The following ATXN10 variants were observed in gnomAD, a reference collection of about 807,000 sequenced individuals.
The protein encoded by ATXN10 is ataxin-10.
In ATXN10, 28 loss-of-function variants were observed where a neutral mutation model predicts 52.9. That is an observed-to-expected ratio of 0.53 (90% CI 0.39 to 0.73). The LOEUF (loss-of-function observed/expected upper bound fraction) is 0.73. Among genes scored for constraint, ATXN10 ranks in the 30% least tolerant of loss-of-function variants. ATXN10 has a pLI of 0.00. For synonymous variants in ATXN10, 226 were observed against 221.5 expected (o/e 1.02, Z -0.18); for missense variants, 565 against 577.0 (o/e 0.98, Z 0.21).
Position 45,786,147 on chromosome 22 carries a change from C to T in ATXN10, c.1174-20812C>T, listed in dbSNP as rs1387689718. On this transcript the variant is annotated intron_variant, in intron 9 of 11. Transcript: ENST00000252934. The surrounding 1 kb of genome is among the most constrained non-coding windows in gnomAD (Gnocchi z 4.1). ...ATGTTTGCTAAAGAAAAGATAGTTG[C>T]TAATTTTTCTGGAATTTGGTAGTTG... Among the ~76,000 whole-genome samples the T allele has an allele frequency of 6.6e-6, 1 of 152,144 alleles. No individual in the cohort carries two copies. Among genetic ancestry groups the T allele is most frequent in the Non-Finnish European group, 1.5e-5 (1 of 68,036 alleles).
At position 45,766,638 on chromosome 22, in the gene ATXN10, C is replaced by T. The variant is rs17652847; in HGVS notation, c.1173+26100C>T. On this transcript the variant is annotated intron_variant, in intron 9 of 11. Coordinates refer to ENST00000252934, the MANE Select transcript of ATXN10 (RefSeq NM_013236.4). This position sits in a 1 kb window ranked among gnomAD's most constrained non-coding sequence, Gnocchi z 4.6. The stretch of plus-strand genomic sequence containing the variant: ...TGAATGAGTTCCGTTATATAACCTC[C>T]GAGTCTGGAAGCAATAAGAGAAAAG... Among the ~76,000 whole-genome samples, 12,714 of 152,034 alleles carry T rather than the reference C, an allele frequency of 0.084. 686 individuals carry two copies. Among genetic ancestry groups the T allele is most frequent in the Middle Eastern group, 0.16 (47 of 294 alleles).
At chr22:45,809,314 C>A (rs142919335) in intron 10 of ATXN10, among the ~76,000 whole-genome samples, 11 of 152,186 alleles carry the variant, frequency 7.2e-5, no homozygotes, top group African/African-American at 2.4e-4. Flanking sequence ...TCTTTCCCCC[C>A]CTTTCTTGTG....
intron 5 of ATXN10, among the ~76,000 whole-genome samples, chr22:45,710,312 G>A (rs533343660): frequency 7.2e-5 from 11 of 152,126 alleles, no homozygotes; most frequent in Middle Eastern, 3.4e-3. Context: ...CTTTACATCC[G>A]CTGTCTTTCT....
chr22:45,803,033 C>T (rs1927979139), intron 9 of ATXN10, among the ~76,000 whole-genome samples: 1 of 152,218 alleles, frequency 6.6e-6, no homozygotes, highest in Non-Finnish European at 1.5e-5. Flanking sequence ...CCTAAATGAA[C>T]TAATTGCATT....
In ATXN10 at chr22:45,780,330, C is replaced by T. The variant is rs1303638449; in HGVS notation, c.1174-26629C>T. 2.0e-5 allele frequency among the ~76,000 whole-genome samples: 3 copies of T among 152,200 alleles called. No individual in the cohort carries two copies. The highest frequency in any genetic ancestry group is 1.9e-4 in the East Asian group (1 of 5,194). On this transcript the variant is annotated intron_variant, in intron 9 of 11. Transcript: ENST00000252934. This position sits in a 1 kb window ranked among gnomAD's most constrained non-coding sequence, Gnocchi z 4.0. The stretch of plus-strand genomic sequence containing the variant: ...AACTCCTGACCTCAAATGATCCACC[C>T]GCTTCAGCCTCCCAAATTGCTGGGA...
chr22:45,788,272 C>G (rs544356359), intron 9 of ATXN10, among the ~76,000 whole-genome samples: 4 of 152,002 alleles, frequency 2.6e-5, no homozygotes, highest in African/African-American at 9.7e-5. Flanking sequence ...AAGTGCCTCC[C>G]GCGAAATATG....
Position 45,680,738 on chromosome 22 carries a change from A to G in ATXN10, c.116+8559A>G, listed in dbSNP as rs75925070. ...CTCAGCCTCCCATAGTATTGCGATT[A>G]CAGGTGTGAGCCACTGTTCCTGGAA... On this transcript the variant is annotated intron_variant, in intron 1 of 11. Transcript: ENST00000252934. Among the ~76,000 whole-genome samples, 712 of 151,916 alleles carry G rather than the reference A, an allele frequency of 4.7e-3. 9 individuals carry two copies. Among genetic ancestry groups the G allele is most frequent in the African/African-American group, 0.017 (684 of 41,420 alleles).
Position 45,769,237 on chromosome 22 carries a change from A to C in ATXN10, c.1173+28699A>C, listed in dbSNP as rs1926690870. Among the ~76,000 whole-genome samples, 1 of 152,134 alleles carries C rather than the reference A, an allele frequency of 6.6e-6. No homozygotes were observed. ...GGTAGGGGACTCATCATGGAATCTG[A>C]AAGGCAGCTTTATCAAAAGAGTAAC... On this transcript the variant is annotated intron_variant, in intron 9 of 11. Transcript: ENST00000252934. This position sits in a 1 kb window ranked among gnomAD's most constrained non-coding sequence, Gnocchi z 4.2.
At chr22:45,700,140 A>C in intron 3 of ATXN10, 142 bp from the exon 4 acceptor site, 2 of 650,422 alleles carry the variant, frequency 3.1e-6, no homozygotes, top group South Asian at 2.2e-5. Context: ...TCCCAAAGTG[A>C]ACTTGTGGAG....
chr22:45,689,144 A>C (rs1257460639), intron 1 of ATXN10, among the ~76,000 whole-genome samples: 1 of 152,212 alleles, frequency 6.6e-6, no homozygotes, highest in Non-Finnish European at 1.5e-5. Flanking sequence ...TGTCAGCCTC[A>C]CTGTGTCTAC....
intron 9 of ATXN10, among the ~76,000 whole-genome samples, chr22:45,765,164 C>T (rs1292798260): frequency 6.6e-6 from 1 of 152,056 alleles, no homozygotes; most frequent in Non-Finnish European, 1.5e-5. Flanking sequence ...GCCCTCTCAT[C>T]GCGGGGCCAG....
chr22:45,697,487 G>C (rs1053701702), intron 3 of ATXN10, among the ~76,000 whole-genome samples: 1 of 151,902 alleles, frequency 6.6e-6, no homozygotes, highest in Non-Finnish European at 1.5e-5. Context: ...CTCTCTTTCC[G>C]CCTCCCTGTA....
In ATXN10 at chr22:45,727,349, A is replaced by ATCTATCTATCTG. The variant is rs1399802032; in HGVS notation, c.729-2065_729-2064insGTCTATCTATCT. Among the ~76,000 whole-genome samples the ATCTATCTATCTG allele has an allele frequency of 6.6e-6, 1 of 151,488 alleles. No individual in the cohort carries two copies. Among genetic ancestry groups the ATCTATCTATCTG allele is most frequent in the African/African-American group, 2.4e-5 (1 of 41,172 alleles). On this transcript the variant is annotated intron_variant, in intron 6 of 11. Coordinates refer to ENST00000252934, the MANE Select transcript of ATXN10 (RefSeq NM_013236.4). The surrounding 1 kb of genome is among the most constrained non-coding windows in gnomAD (Gnocchi z 4.6). ...TCTATCTATATCTATCTATCTATCT[A>ATCTATCTATCTG]TCTATCTATCTATCTATCTATCTAT...
chr22:45,702,225 A>G (rs1286418983), intron 4 of ATXN10, among the ~76,000 whole-genome samples: 1 of 152,230 alleles, frequency 6.6e-6, no homozygotes, highest in African/African-American at 2.4e-5. Flanking sequence ...GCTGATAGCT[A>G]GAGGAGCTAG....
chr22:45,691,745 T>C (rs1371538078), intron 2 of ATXN10, among the ~76,000 whole-genome samples: 1 of 152,168 alleles, frequency 6.6e-6, no homozygotes, highest in Admixed American at 6.5e-5. Flanking sequence ...AATAAAAAAT[T>C]AGCTGGGTGT....
intron 9 of ATXN10, among the ~76,000 whole-genome samples, chr22:45,747,227 T>C (rs1337938753): frequency 2.0e-5 from 3 of 152,066 alleles, no homozygotes; most frequent in African/African-American, 7.2e-5. Flanking sequence ...GGGGGCCGGG[T>C]GCAGTGGCTC....
chr22:45,741,776 T>C (rs545822071), intron 9 of ATXN10, among the ~76,000 whole-genome samples: 41 of 152,266 alleles, frequency 2.7e-4, no homozygotes, highest in African/African-American at 8.9e-4. Context: ...ATAGCAATTA[T>C]AAACTTTGGA....
rs1927428841 is a variant in ATXN10 at position 45,789,377 on chromosome 22, C to T, written c.1174-17582C>T. 6.6e-6 allele frequency among the ~76,000 whole-genome samples: 1 copy of T among 152,074 alleles called. No homozygotes were observed. Among genetic ancestry groups the T allele is most frequent in the South Asian group, 2.1e-4 (1 of 4,822 alleles). On this transcript the variant is annotated intron_variant, in intron 9 of 11. Coordinates refer to ENST00000252934, the MANE Select transcript of ATXN10 (RefSeq NM_013236.4). The surrounding 1 kb of genome is among the most constrained non-coding windows in gnomAD (Gnocchi z 4.0). ...CTTCTCACGCGCATATATTTTTTTT[C>T]CGCAAATCATTGTTAAGTATCTCGG...
chr22:45,753,928 G>A (rs1269763509), intron 9 of ATXN10, among the ~76,000 whole-genome samples: 2 of 152,126 alleles, frequency 1.3e-5, no homozygotes, highest in Middle Eastern at 6.3e-3. Flanking sequence ...CTTTGTCTCT[G>A]CCCTTTGTAA....
Sources: allele counts gnomAD v4.1 joint callset (sites outside exome capture counted in the v4.1 genomes callset), GRCh38; gene constraint gnomAD v4.1.1; non-coding constraint Gnocchi (gnomAD v3.1); transcripts MANE v1.5; gene names NCBI Gene and HGNC (gene_info 2026-07-23, HGNC 2026-07-21).